MGMT: variants seen among roughly 807,000 people sequenced by gnomAD.
The protein encoded by MGMT is O-6-methylguanine-DNA methyltransferase.
MGMT carries 14 observed loss-of-function variants against 15.9 expected under a neutral mutation model. That is an observed-to-expected ratio of 0.88 (90% CI 0.58 to 1.37). MGMT has a LOEUF of 1.37. MGMT is among the 40% of genes most tolerant of loss of function. The probability of loss-of-function intolerance (pLI) is 0.00; values close to 1 mark genes in which losing one functional copy is unlikely to be tolerated. For missense variants in MGMT, 282 were observed against 268.1 expected (o/e 1.05, Z -0.36); for synonymous variants, 130 against 118.2 (o/e 1.10, Z -0.65).
chr10:129,594,781 C>T (rs1315197958), intron 2 of MGMT, among the ~76,000 whole-genome samples: 1 of 152,210 alleles, frequency 6.6e-6, no homozygotes, highest in Non-Finnish European at 1.5e-5. Context: ...AGAAGGTGCA[C>T]CTCTACCACC....
chr10:129,478,489 CATAGAAAAGGTAG>C (rs1313911252), intron 1 of MGMT, among the ~76,000 whole-genome samples: 17 of 152,206 alleles, frequency 1.1e-4, no homozygotes, highest in Admixed American at 1.1e-3. Context: ...GATGGGGGGA[CATAGAAAAGGTAG>C]ATAGAAAAGG....
At chr10:129,563,822 A>G (rs1479623029) in intron 2 of MGMT, 2 of 152,182 alleles carry the variant, frequency 1.3e-5, no homozygotes, top group African/African-American at 4.8e-5. Context: ...CATTAGGAGG[A>G]TGGATCAACC....
chr10:129,543,268 AAACCCTGC>A (rs146363593), intron 2 of MGMT, among the ~76,000 whole-genome samples: 13,724 of 152,186 alleles, frequency 0.09, 807 homozygotes, highest in East Asian at 0.31. Context: ...TATGGCGTGA[AAACCCTGC>A]CGTTGTGTGA....
intron 2 of MGMT, among the ~76,000 whole-genome samples, chr10:129,605,874 C>T (rs1293044326): frequency 6.6e-6 from 1 of 151,448 alleles, no homozygotes; most frequent in Non-Finnish European, 1.5e-5. Flanking sequence ...AAGCAACATT[C>T]AAGAACGGTG....
At chr10:129,642,853 G>GGT (rs1235825404) in intron 2 of MGMT, among the ~76,000 whole-genome samples, 43 of 152,114 alleles carry the variant, frequency 2.8e-4, no homozygotes, top group South Asian at 1.0e-3. Flanking sequence ...GACCACCTGA[G>GGT]CCCCGAAGTT....
chr10:129,567,157 A>G (rs1234619866), intron 2 of MGMT, among the ~76,000 whole-genome samples: 1 of 151,716 alleles, frequency 6.6e-6, no homozygotes, highest in Non-Finnish European at 1.5e-5. Context: ...CCGCCTGCGG[A>G]CTCCCACTGC....
intron 1 of MGMT, among the ~76,000 whole-genome samples, chr10:129,493,157 C>T (rs1252653164): frequency 6.6e-6 from 1 of 152,050 alleles, no homozygotes; most frequent in African/African-American, 2.4e-5. Flanking sequence ...CTCCTGAGTG[C>T]CTAAATTAGG....
chr10:129,538,799 C>T (rs1846013385), intron 2 of MGMT, among the ~76,000 whole-genome samples: 2 of 152,100 alleles, frequency 1.3e-5, no homozygotes, highest in African/African-American at 2.4e-5. Flanking sequence ...CCACACCTGG[C>T]TAATTTTTGT....
At chr10:129,576,106 A>G (rs1846479406) in intron 2 of MGMT, among the ~76,000 whole-genome samples, 2 of 152,250 alleles carry the variant, frequency 1.3e-5, no homozygotes, top group South Asian at 2.1e-4. Flanking sequence ...TACCAGAGGT[A>G]TAAGGAAGAG....
chr10:129,587,760 A>G (rs1401928162), intron 2 of MGMT, among the ~76,000 whole-genome samples: 1 of 151,942 alleles, frequency 6.6e-6, no homozygotes, highest in African/African-American at 2.4e-5. Context: ...CACCTTTTTG[A>G]CATGTGAAAT....
chr10:129,595,405 A>G (rs1240409061), intron 2 of MGMT, among the ~76,000 whole-genome samples: 1 of 152,186 alleles, frequency 6.6e-6, no homozygotes, highest in African/African-American at 2.4e-5. Flanking sequence ...CCCGTGACAC[A>G]CGTTCCTCCC....
chr10:129,540,392 C>T (rs1846030737), intron 2 of MGMT, among the ~76,000 whole-genome samples: 1 of 152,184 alleles, frequency 6.6e-6, no homozygotes, highest in Non-Finnish European at 1.5e-5. Context: ...CTGTCCAGAA[C>T]CCTCCAGGAT....
At chr10:129,589,409 C>T (rs565489773) in intron 2 of MGMT, among the ~76,000 whole-genome samples, 4 of 152,370 alleles carry the variant, frequency 2.6e-5, no homozygotes, top group East Asian at 1.9e-4. Context: ...CTACTCACCT[C>T]TGACCTCTTG....
At chr10:129,473,431 G>A (rs529340711) in intron 1 of MGMT, among the ~76,000 whole-genome samples, 1 of 152,350 alleles carries the variant, frequency 6.6e-6, no homozygotes, top group South Asian at 2.1e-4. Flanking sequence ...ACCACCCCAT[G>A]AAGGAGAAGG....
At chr10:129,660,826 C>T (rs1187247921) in intron 2 of MGMT, among the ~76,000 whole-genome samples, 2 of 152,162 alleles carry the variant, frequency 1.3e-5, no homozygotes, top group African/African-American at 4.8e-5. Flanking sequence ...TTTGCATAGC[C>T]GGAGTAGGGA....
chr10:129,763,016 C>A (rs376799077), intron 4 of MGMT, among the ~76,000 whole-genome samples: 1 of 152,044 alleles, frequency 6.6e-6, no homozygotes, highest in Admixed American at 6.5e-5. Context: ...AATATTCAGC[C>A]GGTACCAGAA....
chr10:129,630,546 C>T (rs1355073383), intron 2 of MGMT, among the ~76,000 whole-genome samples: 1 of 152,162 alleles, frequency 6.6e-6, no homozygotes, highest in African/African-American at 2.4e-5. Context: ...AAGATAAACT[C>T]ATTGCAGTGT....
At chr10:129,624,048 G>C (rs192238940) in intron 2 of MGMT, among the ~76,000 whole-genome samples, 1 of 152,368 alleles carries the variant, frequency 6.6e-6, no homozygotes, top group East Asian at 1.9e-4. Flanking sequence ...GTCTGAGTTC[G>C]ATGGGGCCTC....
chr10:129,598,094 G>A (rs902422635), intron 2 of MGMT, among the ~76,000 whole-genome samples: 1 of 152,160 alleles, frequency 6.6e-6, no homozygotes, highest in African/African-American at 2.4e-5. Flanking sequence ...TTTAGTGTGT[G>A]CCAGCCACGT....
Sources: gnomAD v4.1 joint callset for allele counts (sites outside exome capture counted in the v4.1 genomes callset) on GRCh38, gnomAD v4.1.1 for gene constraint, MANE v1.5 for transcripts, NCBI Gene and HGNC (gene_info 2026-07-23, HGNC 2026-07-21) for gene names.